The following AKAP13 variants were observed in gnomAD, a reference collection of about 807,000 sequenced individuals.
AKAP13 encodes the protein A-kinase anchor protein 13.
A neutral mutation model predicts 264.5 loss-of-function variants in AKAP13; 80 were observed. That is an observed-to-expected ratio of 0.30 (90% CI 0.25 to 0.36). The LOEUF is 0.36. AKAP13 is among the 10% of genes least tolerant of loss of function. The pLI, the probability that AKAP13 is intolerant of heterozygous loss-of-function variation, is 1.00. For missense variants in AKAP13, 3,712 were observed against 3,435.2 expected, an observed-to-expected ratio of 1.08 and a Z score of -2.01; for synonymous variants, 1,380 against 1,250.2, an observed-to-expected ratio of 1.10 and a Z score of -2.19.
chr15:85,512,274 C>G (rs1013766701), intron 2 of AKAP13, among the ~76,000 whole-genome samples: 2 of 152,146 alleles, frequency 1.3e-5, no homozygotes, highest in South Asian at 4.1e-4. Context: ...TTGCACATCT[C>G]TCTGACTTTG....
Position 85,423,585 on chromosome 15 carries a change from A to G in AKAP13, c.-12+42787A>G, listed in dbSNP as rs1352359106. Among the ~76,000 whole-genome samples the G allele has an allele frequency of 2.6e-5, 4 of 152,144 alleles. No homozygotes were observed. The South Asian group carries it at 6.2e-4, about 24-fold the overall frequency. On this transcript the variant is annotated intron_variant, in intron 1 of 36. Transcript: ENST00000394518. ...CACCACATGTCCAGTGACTTCTCCC[A>G]TTGAAGTCTGGAACCCCTCCAAGTC...
intron 2 of AKAP13, among the ~76,000 whole-genome samples, chr15:85,513,560 C>T (rs1464015339): frequency 2.6e-5 from 4 of 152,166 alleles, no homozygotes; most frequent in Admixed American, 2.0e-4. Flanking sequence ...TTCACTCTAG[C>T]GATTTACCTG....
At position 85,635,205 on chromosome 15, in the gene AKAP13, C is replaced by A. The variant is rs906704812; in HGVS notation, c.4162-4169C>A. The A allele has an allele frequency of 6.0e-5, 24 of 397,424 alleles. No homozygotes were observed. In the East Asian group the frequency reaches 8.6e-4, roughly 14 times the overall value. The allele number at this position is 397,424 out of a possible 1,614,324, so 24.6% of individuals were successfully genotyped here. Reference sequence around the variant, plus strand: ...CAGCAACAGTACTGTGTTCTAGTTGCTCCACATCTTTGCCAACATTTGGTA... The same window carrying A: ...CAGCAACAGTACTGTGTTCTAGTTGATCCACATCTTTGCCAACATTTGGTA... On this transcript the variant is annotated intron_variant, in intron 8 of 36. Transcript: ENST00000394518.
rs773277998 is a variant in AKAP13 at position 85,581,204 on chromosome 15, C to G, written c.3136C>G (p.Leu1046Val). The G allele has an allele frequency of 5.0e-6, 8 of 1,614,034 alleles. No homozygotes were observed. Among genetic ancestry groups the G allele is most frequent in the African/African-American group, 1.3e-5 (1 of 74,908 alleles). The change falls in exon 7 of 37, where the codon CTG becomes GTG. Residue 1046 changes from leucine to valine, a missense_variant. Leu to Val is a conservative substitution (Grantham distance 32). This residue lies in a region of AKAP13 where 2,759 missense variants were observed against 2,411.7 expected (regional missense o/e 1.14). Transcript: ENST00000394518. ...EHNSSALLPCLLPDGSDGSDA... is the reference protein window; with the variant it reads ...EHNSSALLPCVLPDGSDGSDA... ...CAACAGCTCCGCTCTGTTGCCATGT[C>G]TGTTGCCAGATGGGTCTGATGGGTC... is the stretch of plus-strand genomic sequence containing the variant.
At chr15:85,648,472 C>T (rs945660308) in intron 10 of AKAP13, among the ~76,000 whole-genome samples, 1 of 152,032 alleles carries the variant, frequency 6.6e-6, no homozygotes, top group African/African-American at 2.4e-5. Context: ...TTTCCCAGAA[C>T]CATTTACAAA....
intron 2 of AKAP13, among the ~76,000 whole-genome samples, chr15:85,504,927 CT>C (rs1450068820): frequency 6.6e-6 from 1 of 151,976 alleles, no homozygotes; most frequent in Admixed American, 6.6e-5. Flanking sequence ...CCCTCTCCCC[CT>C]CTCTCCCATC....
intron 5 of AKAP13, among the ~76,000 whole-genome samples, chr15:85,563,255 G>A (rs183446078): frequency 1.3e-5 from 2 of 151,424 alleles, no homozygotes; most frequent in Admixed American, 6.6e-5. Context: ...TGAACAATAT[G>A]GTGAGCAATG....
intron 1 of AKAP13, among the ~76,000 whole-genome samples, chr15:85,405,248 C>T (rs11854475): frequency 0.54 from 81,740 of 152,034 alleles, 22,756 homozygotes; most frequent in African/African-American, 0.65. Flanking sequence ...GGTTTCTCTT[C>T]GTATGGTGTT....
At chr15:85,633,786 T>C (rs1281765048) in intron 8 of AKAP13, among the ~76,000 whole-genome samples, 1 of 151,728 alleles carries the variant, frequency 6.6e-6, no homozygotes, top group Non-Finnish European at 1.5e-5. Context: ...CCTCGTGATC[T>C]GCCCACCTCG....
rs538023057 is a variant in AKAP13 at position 85,465,346 on chromosome 15, A to T, written c.-11-20364A>T. ...AAATATTTGGATCTTAGTCATTTTT[A>T]AAAAAAATTTTATTATTATTATACT... On this transcript the variant is annotated intron_variant, in intron 1 of 36. Transcript: ENST00000394518. Among the ~76,000 whole-genome samples the T allele has an allele frequency of 4.6e-3, 698 of 152,064 alleles. 2 individuals carry two copies. The highest frequency in any genetic ancestry group is 0.015 in the African/African-American group (603 of 41,484).
intron 8 of AKAP13, among the ~76,000 whole-genome samples, chr15:85,597,643 T>G (rs1360644628): frequency 6.6e-6 from 1 of 152,136 alleles, no homozygotes; most frequent in Non-Finnish European, 1.5e-5. Context: ...GCAAATTGCC[T>G]TCTGATACAG....
At chr15:85,416,863 C>A (rs2072264875) in intron 1 of AKAP13, among the ~76,000 whole-genome samples, 2 of 152,160 alleles carry the variant, frequency 1.3e-5, no homozygotes, top group South Asian at 2.1e-4. Flanking sequence ...GAGGTTCTTA[C>A]ACATTTGGGG....
At chr15:85,535,028 T>C (rs1279936657) in intron 4 of AKAP13, 2 of 152,158 alleles carry the variant, frequency 1.3e-5, no homozygotes, top group Non-Finnish European at 2.9e-5. Flanking sequence ...AGGGTCTGCT[T>C]GTACTTTCTA....
intron 8 of AKAP13, chr15:85,620,237 T>G: frequency 7.2e-5 from 101 of 1,401,798 alleles, no homozygotes; most frequent in Non-Finnish European, 8.9e-5. Flanking sequence ...TTGAACCCGG[T>G]AGCCATGTCC....
chr15:85,716,062 T>TGGGG (rs2086918013), intron 20 of AKAP13, 139 bp downstream of exon 20: 2 of 1,093,478 alleles, frequency 1.8e-6, no homozygotes, highest in African/African-American at 1.7e-5. Flanking sequence ...ACAAGGACGA[T>TGGGG]GGGGATTATG....
intron 5 of AKAP13, among the ~76,000 whole-genome samples, chr15:85,558,393 G>A (rs1377963005): frequency 1.3e-5 from 2 of 152,224 alleles, no homozygotes; most frequent in Non-Finnish European, 2.9e-5. Flanking sequence ...AATCAGGTCA[G>A]TGGGCTATAT....
chr15:85,466,148 C>A (rs2074732149), intron 1 of AKAP13, among the ~76,000 whole-genome samples: 1 of 150,916 alleles, frequency 6.6e-6, no homozygotes. Context: ...GCAAAAATGT[C>A]TTCTTTTGAG....
chr15:85,441,897 T>C (rs1032182732), intron 1 of AKAP13, among the ~76,000 whole-genome samples: 1 of 152,156 alleles, frequency 6.6e-6, no homozygotes, highest in Non-Finnish European at 1.5e-5. Context: ...TTGGCCTTAT[T>C]GTAGGGAGCT....
intron 1 of AKAP13, among the ~76,000 whole-genome samples, chr15:85,419,693 A>G (rs1426654225): frequency 1.3e-5 from 2 of 152,188 alleles, no homozygotes; most frequent in African/African-American, 2.4e-5. Context: ...CAAAATAATG[A>G]CAGCTTTTTT....
Sources: gnomAD v4.1 joint callset for allele counts (sites outside exome capture counted in the v4.1 genomes callset) on GRCh38, gnomAD v4.1.1 for gene constraint, gnomAD v4.1.1 regional missense constraint, MANE v1.5 for transcripts, NCBI Gene and HGNC (gene_info 2026-07-23, HGNC 2026-07-21) for gene names.